Variants in WWP1 observed in about 807,000 individuals in gnomAD.
WWP1 encodes NEDD4-like E3 ubiquitin-protein ligase WWP1.
A neutral mutation model predicts 130.6 loss-of-function variants in WWP1; 49 were observed. The observed-to-expected ratio is 0.38, with a 90% confidence interval of 0.30 to 0.48. The LOEUF is 0.48. Among genes scored for constraint, WWP1 ranks in the 20% least tolerant of loss-of-function variants. The pLI, the probability that WWP1 is intolerant of heterozygous loss-of-function variation, is 0.99. For synonymous variants in WWP1, 332 were observed against 367.8 expected (o/e 0.90, Z 1.11); for missense variants, 809 against 1,100.6 (o/e 0.74, Z 3.75).
intron 10 of WWP1, among the ~76,000 whole-genome samples, 195 bp downstream of exon 10, chr8:86,425,513 T>C (rs558645440): frequency 6.6e-6 from 1 of 152,324 alleles, no homozygotes; most frequent in East Asian, 1.9e-4. Flanking sequence ...CTGTCAAGCA[T>C]TGGCATGAGT....
intron 8 of WWP1, among the ~76,000 whole-genome samples, chr8:86,404,043 C>T (rs1009877036): frequency 6.6e-6 from 1 of 152,276 alleles, no homozygotes; most frequent in South Asian, 2.1e-4. Context: ...GGTGGAGTGT[C>T]TCTAATCTGA....
chr8:86,430,834 T>C (rs1295753618), intron 12 of WWP1, 83 bp downstream of exon 12: 6 of 456,256 alleles, frequency 1.3e-5, no homozygotes, highest in Non-Finnish European at 1.9e-5. Context: ...TATATATATG[T>C]TCCTTATTTT....
At chr8:86,429,465 T>A (rs1809817759) in intron 11 of WWP1, among the ~76,000 whole-genome samples, 1 of 152,196 alleles carries the variant, frequency 6.6e-6, no homozygotes, top group African/African-American at 2.4e-5. Flanking sequence ...AGAAATTATT[T>A]TTCAGGTAAT....
At chr8:86,421,822 CA>C (rs1354400231) in intron 9 of WWP1, among the ~76,000 whole-genome samples, 73 of 143,068 alleles carry the variant, frequency 5.1e-4, no homozygotes, top group East Asian at 1.4e-3. Flanking sequence ...GACGCCATCT[CA>C]AAAAAAAAAA....
At chr8:86,385,660 G>A (rs1389051472) in intron 5 of WWP1, among the ~76,000 whole-genome samples, 2 of 152,176 alleles carry the variant, frequency 1.3e-5, no homozygotes, top group Admixed American at 1.3e-4. Context: ...GAAAGTTATT[G>A]TAGGAATCTG....
At position 86,411,647 on chromosome 8, in the gene WWP1, T is replaced by G. The variant is rs1325314045; in HGVS notation, c.834T>G (p.Val278=). 13 of 1,614,184 alleles carry G rather than the reference T, an allele frequency of 8.1e-6. No individual in the cohort carries two copies. Among genetic ancestry groups the G allele is most frequent in the Non-Finnish European group, 1.0e-5 (12 of 1,180,034 alleles). ...ALSPNCTSTT[V]EDPPVQEILT... is the part of the protein sequence containing the mutation. ...CTCCAAATTGCACTAGTACTACTGT[T>G]GAAGATCCTCCAGTTCAAGAAATAC... The change falls in exon 9 of 25, where the codon GTT becomes GTG. Residue 278 remains valine, a synonymous_variant. Coordinates refer to ENST00000517970, the MANE Select transcript of WWP1 (RefSeq NM_007013.4).
rs59506795 is a variant in WWP1, at chr8:86,460,790, C to CTTTTTTTTT, written c.2500-405_2500-397dup. On this transcript the variant is annotated intron_variant, in intron 22 of 24. Transcript: ENST00000517970. ...ACCCTACAACCTCTTTTTAGCACAT[C>CTTTTTTTTT]TTTTTTTTTTTTTTTTTTTTTTTTT... Among the ~76,000 whole-genome samples, 39 of 62,402 alleles carry CTTTTTTTTT rather than the reference C, an allele frequency of 6.2e-4. 10 individuals are homozygous for CTTTTTTTTT. Among genetic ancestry groups the CTTTTTTTTT allele is most frequent in the Non-Finnish European group, 1.1e-3 (34 of 31,006 alleles). The allele number at this position is 62,402 out of a possible 152,430, so 40.9% of individuals were successfully genotyped here.
In WWP1 at chr8:86,359,314, C is replaced by CT. The variant is rs1321692146; in HGVS notation, c.-114-9624dup. Among the ~76,000 whole-genome samples, 9 of 152,134 alleles carry CT rather than the reference C, an allele frequency of 5.9e-5. 1 individual carries two copies. The highest frequency in any genetic ancestry group is 4.1e-4 in the South Asian group (2 of 4,830). ...TCTGGAACCTATGCTATAAACAACT[C>CT]TAACAGTTTCATTGTTTCTAACCAT... On this transcript the variant is annotated intron_variant, in intron 1 of 24. Coordinates refer to ENST00000517970, the MANE Select transcript of WWP1 (RefSeq NM_007013.4).
At chr8:86,449,930 A>G (rs1811085540) in intron 20 of WWP1, among the ~76,000 whole-genome samples, 2 of 152,178 alleles carry the variant, frequency 1.3e-5, no homozygotes, top group Non-Finnish European at 2.9e-5. Context: ...ATTCCTGTCA[A>G]TAGAGATCAT....
At chr8:86,388,114 C>G (rs912454106) in intron 5 of WWP1, among the ~76,000 whole-genome samples, 1 of 150,460 alleles carries the variant, frequency 6.6e-6, no homozygotes. Context: ...AGTGCAGTAT[C>G]AGACTCTTTT....
chr8:86,461,548 G>C, intron 23 of WWP1: 1 of 624,534 alleles, frequency 1.6e-6, no homozygotes, highest in Non-Finnish European at 2.9e-6. Flanking sequence ...TATGGTGACT[G>C]TGAAGGGAGC....
intron 1 of WWP1, among the ~76,000 whole-genome samples, chr8:86,349,446 G>A (rs922811145): frequency 2.6e-5 from 4 of 152,108 alleles, no homozygotes; most frequent in Non-Finnish European, 5.9e-5. Flanking sequence ...ATCCATTTGG[G>A]GCCACCCATG....
chr8:86,361,544 A>G (rs1823598822), intron 1 of WWP1, among the ~76,000 whole-genome samples: 1 of 152,080 alleles, frequency 6.6e-6, no homozygotes, highest in African/African-American at 2.4e-5. Context: ...TTCTGCCTTA[A>G]TAGTTTTGTC....
rs1442621155 is a variant in WWP1, at chr8:86,444,631, A to T, written c.1998+1853A>T. On this transcript the variant is annotated intron_variant, in intron 18 of 24. Coordinates refer to ENST00000517970, the MANE Select transcript of WWP1 (RefSeq NM_007013.4). ...AAGAAGGAAGACATGGTCAACCGTC[A>T]TATGTTACTGATAGACTGAGCAAGA... Among the ~76,000 whole-genome samples the T allele has an allele frequency of 2.6e-5, 4 of 152,218 alleles. No homozygotes were observed. The East Asian group carries it at 5.8e-4, about 22-fold the overall frequency.
At chr8:86,367,332 G>A (rs1586273725) in intron 1 of WWP1, among the ~76,000 whole-genome samples, 2 of 152,200 alleles carry the variant, frequency 1.3e-5, no homozygotes. Flanking sequence ...ACTTTTCAAA[G>A]TCTTAACACT....
intron 9 of WWP1, among the ~76,000 whole-genome samples, chr8:86,416,484 C>G (rs1254846849): frequency 6.6e-6 from 1 of 152,136 alleles, no homozygotes; most frequent in African/African-American, 2.4e-5. Context: ...CTGCCAACCC[C>G]TGTTATATAA....
chr8:86,402,720 A>C (rs963705998), intron 8 of WWP1, among the ~76,000 whole-genome samples: 1 of 152,252 alleles, frequency 6.6e-6, no homozygotes, highest in Non-Finnish European at 1.5e-5. Flanking sequence ...TTTAGAGGTC[A>C]GAACTTTTAC....
intron 24 of WWP1, among the ~76,000 whole-genome samples, chr8:86,465,681 A>G (rs557241577): frequency 8.5e-5 from 13 of 152,302 alleles, no homozygotes; most frequent in East Asian, 1.9e-4. Flanking sequence ...AATTTGGCAA[A>G]GGCTATATGT....
At chr8:86,406,662 ATGTG>A (rs915908987) in intron 8 of WWP1, among the ~76,000 whole-genome samples, 24 of 151,168 alleles carry the variant, frequency 1.6e-4, no homozygotes, top group African/African-American at 3.9e-4. Context: ...CTGTGTGTGT[ATGTG>A]TGTGTGTGTG....
Sources: gnomAD v4.1 joint callset for allele counts (sites outside exome capture counted in the v4.1 genomes callset) on GRCh38, gnomAD v4.1.1 for gene constraint, MANE v1.5 for transcripts, NCBI Gene and HGNC (gene_info 2026-07-23, HGNC 2026-07-21) for gene names.